IQSEC1: variants seen among roughly 807,000 people sequenced by gnomAD.
The protein encoded by IQSEC1 is IQ motif and Sec7 domain ArfGEF 1.
In IQSEC1, 31 loss-of-function variants were observed where a neutral mutation model predicts 91.0. The ratio of observed to expected loss-of-function variants is 0.34; its 90% CI spans 0.26 to 0.46. IQSEC1 has a LOEUF of 0.46. IQSEC1 is among the 20% of genes least tolerant of loss of function. The probability of loss-of-function intolerance (pLI) is 1.00; values close to 1 mark genes in which losing one functional copy is unlikely to be tolerated. For synonymous variants in IQSEC1, 699 were observed against 662.6 expected, an observed-to-expected ratio of 1.05 and a Z score of -0.84; for missense variants, 1,388 against 1,575.6, an observed-to-expected ratio of 0.88 and a Z score of 2.02.
chr3:13,182,947 G>A (rs141957494), intron 1 of IQSEC1, among the ~76,000 whole-genome samples: 5 of 152,220 alleles, frequency 3.3e-5, no homozygotes, highest in African/African-American at 4.8e-5. Flanking sequence ...GGTGGATCAC[G>A]AGGTCAGGAA....
chr3:13,175,175 C>T (rs1032004726), intron 1 of IQSEC1, among the ~76,000 whole-genome samples: 9 of 152,160 alleles, frequency 5.9e-5, no homozygotes, highest in Admixed American at 3.9e-4. Context: ...AGGAGCTTCC[C>T]GTGATGGCAA....
At chr3:13,262,784 T>C (rs1559288847) in intron 1 of IQSEC1, among the ~76,000 whole-genome samples, 1 of 152,248 alleles carries the variant, frequency 6.6e-6, no homozygotes, top group African/African-American at 2.4e-5. Context: ...TTGGAGGACA[T>C]TGTGCTGAGT....
intron 1 of IQSEC1, among the ~76,000 whole-genome samples, chr3:13,256,849 C>T (rs1439796377): frequency 6.6e-6 from 1 of 151,980 alleles, no homozygotes; most frequent in African/African-American, 2.4e-5. Flanking sequence ...GAGAGCCTCA[C>T]CTACCCTGGG....
chr3:13,220,839 C>T (rs990479674), intron 1 of IQSEC1, among the ~76,000 whole-genome samples: 10 of 152,354 alleles, frequency 6.6e-5, no homozygotes, highest in East Asian at 3.9e-4. Flanking sequence ...CTCACATATC[C>T]ACTGGCATCT....
intron 1 of IQSEC1, among the ~76,000 whole-genome samples, chr3:13,242,865 G>A (rs1165525525): frequency 6.6e-6 from 1 of 152,022 alleles, no homozygotes; most frequent in Non-Finnish European, 1.5e-5. Flanking sequence ...GGAGGGAAGA[G>A]GAGAGGAGGG....
intron 1 of IQSEC1, among the ~76,000 whole-genome samples, chr3:13,018,653 G>A (rs920268481): frequency 6.6e-6 from 1 of 152,186 alleles, no homozygotes; most frequent in Non-Finnish European, 1.5e-5. Context: ...ACGCAGGGAG[G>A]GGAGGGGCGG....
intron 1 of IQSEC1, among the ~76,000 whole-genome samples, chr3:13,059,187 G>C (rs1704981211): frequency 6.6e-6 from 1 of 152,108 alleles, no homozygotes. Context: ...GTGTCCCATA[G>C]GGCTCTCCTT....
At chr3:13,158,716 C>T (rs1340201673) in intron 2 of IQSEC1, among the ~76,000 whole-genome samples, 1 of 152,144 alleles carries the variant, frequency 6.6e-6, no homozygotes, top group Non-Finnish European at 1.5e-5. Flanking sequence ...AATCCCAGCA[C>T]TTTAGGAGTC....
At chr3:12,914,538 G>C (rs1388036532) in intron 8 of IQSEC1, among the ~76,000 whole-genome samples, 2 of 152,210 alleles carry the variant, frequency 1.3e-5, no homozygotes, top group Non-Finnish European at 2.9e-5. Flanking sequence ...GGGGAGCACT[G>C]GCTGGAGGTG....
At chr3:13,128,407 A>G (rs1250228558) in intron 2 of IQSEC1, among the ~76,000 whole-genome samples, 1 of 152,174 alleles carries the variant, frequency 6.6e-6, no homozygotes, top group East Asian at 1.9e-4. Flanking sequence ...TTCCTCTGTC[A>G]TAGATATAAT....
intron 2 of IQSEC1, among the ~76,000 whole-genome samples, chr3:13,116,479 G>C (rs1286444736): frequency 6.6e-6 from 1 of 152,218 alleles, no homozygotes; most frequent in African/African-American, 2.4e-5. Context: ...ATGATTTTCA[G>C]CAGGGTGCCA....
At chr3:12,988,276 G>A (rs545572120) in intron 1 of IQSEC1, among the ~76,000 whole-genome samples, 1 of 152,234 alleles carries the variant, frequency 6.6e-6, no homozygotes, top group East Asian at 1.9e-4. Flanking sequence ...TTAGCCAGGC[G>A]TGGTGGTAGG....
chr3:13,253,502 C>A (rs1396065007), intron 1 of IQSEC1, among the ~76,000 whole-genome samples: 1 of 152,146 alleles, frequency 6.6e-6, no homozygotes, highest in East Asian at 1.9e-4. Flanking sequence ...AATGAAGCTT[C>A]GGTAATACTC....
At chr3:12,932,729 G>T (rs1386349795) in intron 3 of IQSEC1, among the ~76,000 whole-genome samples, 1 of 152,154 alleles carries the variant, frequency 6.6e-6, no homozygotes, top group African/African-American at 2.4e-5. Flanking sequence ...GTTGCCCCAG[G>T]TCCCACAGCT....
chr3:13,191,477 A>ATTTTTTTTT (rs57912681), intron 1 of IQSEC1, among the ~76,000 whole-genome samples: 60 of 92,102 alleles, frequency 6.5e-4, no homozygotes, highest in East Asian at 2.0e-3. Context: ...CACCCAGCTA[A>ATTTTTTTTT]TTTTTTTTTT....
At chr3:13,091,716 C>G (rs1003732092) in intron 2 of IQSEC1, among the ~76,000 whole-genome samples, 1 of 152,232 alleles carries the variant, frequency 6.6e-6, no homozygotes, top group Non-Finnish European at 1.5e-5. Flanking sequence ...TGACCAGGCC[C>G]TTGTCAGCCC....
chr3:13,130,208 G>C (rs899827014), intron 2 of IQSEC1, among the ~76,000 whole-genome samples: 2 of 151,400 alleles, frequency 1.3e-5, no homozygotes, highest in Non-Finnish European at 2.9e-5. Context: ...GCCAGGTGTG[G>C]TGGCGCGCGC....
Position 12,901,086 on chromosome 3 carries a change from G to A in IQSEC1, c.3242C>T (p.Ser1081Leu), listed in dbSNP as rs543317308. The stretch of plus-strand genomic sequence containing the variant: ...GTGCACTGTGTGCCCCACGTGGGCC[G>A]AGGGCAGCGGCGGGTGGCCGTGGGC... ...AHAHGHPPLP[S>L]AHVGHTVHHH... is the part of the protein sequence containing the mutation. Residue 1081 changes from serine to leucine, a missense_variant, in exon 14 of 14, where the codon TCG becomes TTG. This residue lies in a region of IQSEC1 where 329 missense variants were observed against 257.8 expected (regional missense o/e 1.28). Coordinates refer to ENST00000613206, the MANE Select transcript of IQSEC1 (RefSeq NM_001134382.3). The A allele has an allele frequency of 4.7e-5, 72 of 1,540,958 alleles. No individual in the cohort carries two copies. Among genetic ancestry groups the A allele is most frequent in the Admixed American group, 4.3e-4 (22 of 50,730 alleles).
At chr3:13,132,226 A>G (rs1201034824) in intron 2 of IQSEC1, among the ~76,000 whole-genome samples, 2 of 152,234 alleles carry the variant, frequency 1.3e-5, no homozygotes, top group Admixed American at 1.3e-4. Flanking sequence ...CAAGCAGTTT[A>G]GAGCTAATTG....
Sources: gnomAD v4.1 joint callset for allele counts (sites outside exome capture counted in the v4.1 genomes callset) on GRCh38, gnomAD v4.1.1 for gene constraint, gnomAD v4.1.1 regional missense constraint, MANE v1.5 for transcripts, NCBI Gene and HGNC (gene_info 2026-07-23, HGNC 2026-07-21) for gene names.